HECTD4: variants seen among roughly 807,000 people sequenced by gnomAD.
HECTD4 encodes probable E3 ubiquitin-protein ligase HECTD4.
Under a neutral mutation model 471.5 loss-of-function variants are expected in HECTD4, and 114 were observed. The observed-to-expected ratio is 0.24, with a 90% confidence interval of 0.21 to 0.28. The LOEUF (loss-of-function observed/expected upper bound fraction) is 0.28. Ranked by LOEUF, HECTD4 falls within the 10% of genes least tolerant of loss-of-function variation. The pLI is 1.00. For synonymous variants in HECTD4, 2,012 were observed against 2,256.0 expected (o/e 0.89, Z 3.07); for missense variants, 3,866 against 5,651.5 (o/e 0.68, Z 10.13).
In HECTD4 at chr12:112,163,655, C is replaced by T. The variant is rs755661535; in HGVS notation, c.12784G>A (p.Val4262Met). The change falls in exon 74 of 76, where the codon GTG becomes ATG. Residue 4262 changes from valine (V) to methionine (M), a missense_variant. By Grantham distance (21) the Val-to-Met change is conservative. This residue lies in a region of HECTD4 where 715 missense variants were observed against 1,087.6 expected (regional missense o/e 0.66). Coordinates refer to ENST00000682272, the MANE Select transcript of HECTD4 (RefSeq NM_001388303.1). The surrounding 1 kb of genome is among the most constrained non-coding windows in gnomAD (Gnocchi z 8.2). ...ATGATGGAGCCCAGGCCGGCCCGCA[C>T]GGCCGTCACGCACTCCACATTCTGC... ...ELQNVECVTA[V>M]RAGLGSIIPL... 13 of 1,539,770 alleles carry T rather than the reference C, an allele frequency of 8.4e-6. No homozygotes were observed. The highest frequency in any genetic ancestry group is 2.0e-5 in the Admixed American group (1 of 49,574).
At chr12:112,200,886 T>G in intron 54 of HECTD4, 88 bp from the exon 55 acceptor site, 2 of 68,314 alleles carry the variant, frequency 2.9e-5, no homozygotes, top group Non-Finnish European at 9.7e-5. Flanking sequence ...CGTGCGTGCG[T>G]GTGTGTGTGT....
At chr12:112,207,423 G>A (rs1002646748) in intron 52 of HECTD4, among the ~76,000 whole-genome samples, 4 of 108 alleles carry the variant, frequency 0.037, no homozygotes, top group East Asian at 0.2. Context: ...GATTACAGGC[G>A]TGAGCACCAT....
chr12:112,326,785 C>T (rs2035753668), intron 1 of HECTD4, among the ~76,000 whole-genome samples: 1 of 152,150 alleles, frequency 6.6e-6, no homozygotes, highest in South Asian at 2.1e-4. Flanking sequence ...TTTCCATCTA[C>T]TTTGCTGTTC....
Position 112,191,137 on chromosome 12 carries a change from G to A in HECTD4, c.9293-172C>T, listed in dbSNP as rs140488707. 2.6e-3 allele frequency among the ~76,000 whole-genome samples: 391 copies of A among 152,338 alleles called. 2 individuals carry two copies. Among genetic ancestry groups the A allele is most frequent in the African/African-American group, 8.4e-3 (350 of 41,566 alleles). ...TGACACTCTGGACAGTGGGCTGCAGGGACACGAGGAGATGGAGGCCATCCC... is the reference window on the plus strand; with the variant it reads ...TGACACTCTGGACAGTGGGCTGCAGAGACACGAGGAGATGGAGGCCATCCC... On this transcript the variant is annotated intron_variant, in intron 59 of 75. Coordinates refer to ENST00000682272, the MANE Select transcript of HECTD4 (RefSeq NM_001388303.1).
rs1314116878 is a variant in HECTD4, at chr12:112,216,723, T to C, written c.7385+50A>G. ...GACTTCCTGAACACCTATACACACC[T>C]TGTGGGAGGCTACTGCTCTCTGTCA... On this transcript the variant is annotated intron_variant, in intron 47 of 75. Coordinates refer to ENST00000682272, the MANE Select transcript of HECTD4 (RefSeq NM_001388303.1). The C allele has an allele frequency of 1.9e-6, 3 of 1,596,626 alleles. No individual in the cohort carries two copies. The African/African-American group carries it at 4.0e-5, about 21-fold the overall frequency.
At position 112,235,613 on chromosome 12, in the gene HECTD4, G is replaced by A. The variant is rs370128307; in HGVS notation, c.5616C>T (p.Pro1872=). 1.9e-6 allele frequency: 3 copies of A among 1,614,016 alleles called. No homozygotes were observed. The highest frequency in any genetic ancestry group is 2.2e-5 in the South Asian group (2 of 91,078). ...TTAAGGAGGGGACAGAGTAGCTCCA[G>A]GGTGGGAGCTCCACGTTTCCACAGT... ...VEDCGNVELP[P]WSYSVPSLNS... The change falls in exon 36 of 76, where the codon CCC becomes CCT. Residue 1872 remains proline (P), a synonymous_variant. Coordinates refer to ENST00000682272, the MANE Select transcript of HECTD4 (RefSeq NM_001388303.1). This position sits in a 1 kb window ranked among gnomAD's most constrained non-coding sequence, Gnocchi z 5.0.
At chr12:112,236,057 G>A (rs1179436231) in intron 35 of HECTD4, among the ~76,000 whole-genome samples, 4 of 152,174 alleles carry the variant, frequency 2.6e-5, no homozygotes, top group South Asian at 4.1e-4. Context: ...GGAGCACTGA[G>A]ACTTAGAAAC....
At chr12:112,357,310 G>T (rs1053393258) in intron 1 of HECTD4, among the ~76,000 whole-genome samples, 7 of 152,182 alleles carry the variant, frequency 4.6e-5, no homozygotes, top group Admixed American at 3.9e-4. Context: ...AGAAGAGAAA[G>T]AATTTAACTG....
chr12:112,274,223 C>A (rs540565021), intron 10 of HECTD4, among the ~76,000 whole-genome samples: 1 of 152,302 alleles, frequency 6.6e-6, no homozygotes, highest in South Asian at 2.1e-4. Context: ...ACTTAATGTT[C>A]ATTTTCTAAC....
Position 112,228,848 on chromosome 12 carries a change from C to G in HECTD4, c.6520-37G>C. ...CATAGATTAGCACTACCAACCAGCTCTGACGTGTGGGCAGCTGTCTTACGA... is the reference window on the plus strand; with the variant it reads ...CATAGATTAGCACTACCAACCAGCTGTGACGTGTGGGCAGCTGTCTTACGA... On this transcript the variant is annotated intron_variant, in intron 41 of 75. Transcript: ENST00000682272. This position sits in a 1 kb window ranked among gnomAD's most constrained non-coding sequence, Gnocchi z 4.9. 1 of 1,587,662 alleles carries G rather than the reference C, an allele frequency of 6.3e-7. No homozygotes were observed. Among genetic ancestry groups the G allele is most frequent in the South Asian group, 1.1e-5 (1 of 87,178 alleles).
In HECTD4 at chr12:112,350,234, C is replaced by T. The variant is rs138305775; in HGVS notation, c.178-30492G>A. Among the ~76,000 whole-genome samples the T allele has an allele frequency of 3.8e-3, 586 of 152,256 alleles. 5 individuals are homozygous for T. The highest frequency in any genetic ancestry group is 0.013 in the African/African-American group (526 of 41,558). The stretch of plus-strand genomic sequence containing the variant: ...AAAGTGCTGGAATTACAGGCATGAG[C>T]CACCACACCCAGCCATACGATACTT... On this transcript the variant is annotated intron_variant, in intron 1 of 75. Coordinates refer to ENST00000682272, the MANE Select transcript of HECTD4 (RefSeq NM_001388303.1).
chr12:112,254,146 C>T lies in HECTD4; in HGVS notation c.3344G>A (p.Gly1115Glu). The T allele has an allele frequency of 6.2e-7, 1 of 1,613,788 alleles. No individual in the cohort carries two copies. The highest frequency in any genetic ancestry group is 8.5e-7 in the Non-Finnish European group (1 of 1,179,804). ...YDYDKLVIYA[G>E]PNTNSRKVAE... ...AACCTTCCTACTGTTTGTGTTAGGC[C>T]CCGCATATATCACCAACTTCAAAAC... The change falls in exon 22 of 76, where the codon GGG becomes GAG. Residue 1115 changes from glycine (G) to glutamate (E), a missense_variant. Physicochemically the swap from Gly to Glu is moderately conservative, Grantham distance 98. Coordinates refer to ENST00000682272, the MANE Select transcript of HECTD4 (RefSeq NM_001388303.1).
chr12:112,372,796 AC>A (rs1201445867), intron 1 of HECTD4, among the ~76,000 whole-genome samples: 2 of 152,044 alleles, frequency 1.3e-5, no homozygotes, highest in East Asian at 3.9e-4. Flanking sequence ...TGGCTCTGTC[AC>A]CCAGGCTGGA....
At chr12:112,234,377 C>T (rs1271682336) in intron 37 of HECTD4, among the ~76,000 whole-genome samples, 1 of 152,148 alleles carries the variant, frequency 6.6e-6, no homozygotes, top group East Asian at 1.9e-4. Context: ...ACCATGGTCC[C>T]ATTAGTGTTT....
chr12:112,199,512 T>C lies in HECTD4; in HGVS notation c.8567+1126A>G, dbSNP rs7959188. Among the ~76,000 whole-genome samples, 8 of 152,210 alleles carry C rather than the reference T, an allele frequency of 5.3e-5. No homozygotes were observed. In the East Asian group the frequency reaches 9.6e-4, roughly 18 times the overall value. On this transcript the variant is annotated intron_variant, in intron 55 of 75. Coordinates refer to ENST00000682272, the MANE Select transcript of HECTD4 (RefSeq NM_001388303.1). ...CATCATGAGAAATTGTGATGGCTAA[T>C]GGATGAACAGCATGAAAAATAGTTT...
chr12:112,232,643 G>A (rs949807850), intron 38 of HECTD4, among the ~76,000 whole-genome samples: 26 of 151,976 alleles, frequency 1.7e-4, no homozygotes, highest in Non-Finnish European at 3.1e-4. Flanking sequence ...TTTTTAATAA[G>A]GTATTTGTAA....
rs1566100750 is a variant in HECTD4 at position 112,290,867 on chromosome 12, A to AAAAAAAC, written c.1336-7566_1336-7565insGTTTTTT. ...CCGTCTCAAAAAAAAACAAAACAAA[A>AAAAAAAC]AAAAAAAACAAATCACAGATAGTTT... On this transcript the variant is annotated intron_variant, in intron 7 of 75. Transcript: ENST00000682272. Among the ~76,000 whole-genome samples the AAAAAAAC allele has an allele frequency of 1.4e-5, 2 of 147,184 alleles. 1 individual carries two copies.
chr12:112,248,643 C>T (rs969089634), intron 25 of HECTD4, 131 bp from the exon 26 acceptor site: 5 of 555,108 alleles, frequency 9.0e-6, no homozygotes, highest in Non-Finnish European at 1.5e-5. Context: ...TTCAGTGGAG[C>T]AATCATGGCT....
chr12:112,251,251 T>C (rs1250129982), intron 23 of HECTD4, 117 bp from the exon 24 acceptor site: 1 of 936,618 alleles, frequency 1.1e-6, no homozygotes, highest in Non-Finnish European at 1.6e-6. Context: ...CAGCATCGAG[T>C]ATCACTGCTA....
Sources: gnomAD v4.1 joint callset for allele counts (sites outside exome capture counted in the v4.1 genomes callset) on GRCh38, gnomAD v4.1.1 for gene constraint, gnomAD v4.1.1 regional missense constraint, Gnocchi (gnomAD v3.1) non-coding constraint, MANE v1.5 for transcripts, NCBI Gene and HGNC (gene_info 2026-07-23, HGNC 2026-07-21) for gene names.